The following CLASP2 variants were observed in gnomAD, a reference collection of about 807,000 sequenced individuals.
CLASP2 encodes CLIP-associating protein 2.
Under a neutral mutation model 194.4 loss-of-function variants are expected in CLASP2, and 47 were observed. The ratio of observed to expected loss-of-function variants is 0.24; its 90% CI spans 0.19 to 0.31. The LOEUF is 0.31. Among genes scored for constraint, CLASP2 ranks in the 10% least tolerant of loss-of-function variants. The pLI is 1.00. For missense variants in CLASP2, 1,445 were observed against 1,823.6 expected (o/e 0.79, Z 3.78); for synonymous variants, 619 against 633.5 (o/e 0.98, Z 0.34).
intron 7 of CLASP2, among the ~76,000 whole-genome samples, chr3:33,652,669 G>C (rs1434036841): frequency 6.6e-6 from 1 of 152,076 alleles, no homozygotes; most frequent in East Asian, 1.9e-4. Context: ...GACCATCTCT[G>C]AGTTCCAGAC....
At chr3:33,548,054 G>C (rs887428260) in intron 30 of CLASP2, among the ~76,000 whole-genome samples, 3 of 151,892 alleles carry the variant, frequency 2.0e-5, no homozygotes, top group African/African-American at 7.2e-5. Flanking sequence ...GGGATTACAG[G>C]TGTGAGCCAC....
At chr3:33,644,150 T>C (rs996782043) in intron 8 of CLASP2, among the ~76,000 whole-genome samples, 1 of 152,084 alleles carries the variant, frequency 6.6e-6, no homozygotes, top group Non-Finnish European at 1.5e-5. Flanking sequence ...ATAAACAATA[T>C]GCTAGAAACA....
intron 32 of CLASP2, among the ~76,000 whole-genome samples, chr3:33,541,394 G>C (rs866072286): frequency 2.0e-5 from 3 of 152,124 alleles, no homozygotes; most frequent in Non-Finnish European, 4.4e-5. Context: ...GCAAACGTGT[G>C]TCATGGGGGT....
intron 13 of CLASP2, among the ~76,000 whole-genome samples, chr3:33,609,086 C>T (rs1374047157): frequency 6.6e-6 from 1 of 152,020 alleles, no homozygotes; most frequent in Admixed American, 6.6e-5. Flanking sequence ...TCGAGACCAG[C>T]CTGGCCAACA....
chr3:33,595,227 A>T (rs2069937039), intron 19 of CLASP2, among the ~76,000 whole-genome samples: 1 of 152,102 alleles, frequency 6.6e-6, no homozygotes, highest in Non-Finnish European at 1.5e-5. Context: ...TGTCTGCTAT[A>T]TTGCATTCTT....
At chr3:33,613,704 G>C (rs2075616323) in intron 12 of CLASP2, among the ~76,000 whole-genome samples, 1 of 152,148 alleles carries the variant, frequency 6.6e-6, no homozygotes, top group Non-Finnish European at 1.5e-5. Context: ...CTGTGGACCT[G>C]CTCCCTACAG....
At chr3:33,593,850 T>G (rs951426515) in intron 20 of CLASP2, among the ~76,000 whole-genome samples, 5 of 152,200 alleles carry the variant, frequency 3.3e-5, no homozygotes, top group African/African-American at 1.2e-4. Flanking sequence ...TTTTTATTTT[T>G]ATTTATTTCT....
intron 32 of CLASP2, among the ~76,000 whole-genome samples, chr3:33,541,263 T>A (rs1414922747): frequency 6.6e-6 from 1 of 152,126 alleles, no homozygotes; most frequent in Admixed American, 6.5e-5. Flanking sequence ...AGTGATAGAC[T>A]GGATAAAGAA....
chr3:33,701,651 A>G (rs999738239), intron 1 of CLASP2, among the ~76,000 whole-genome samples: 1 of 152,220 alleles, frequency 6.6e-6, no homozygotes, highest in African/African-American at 2.4e-5. Context: ...CCAAAAATAG[A>G]CATACACATA....
chr3:33,509,323 TCTC>T (rs2049121448), intron 37 of CLASP2, among the ~76,000 whole-genome samples: 1 of 152,192 alleles, frequency 6.6e-6, no homozygotes, highest in Non-Finnish European at 1.5e-5. Context: ...TTCAAGCAAT[TCTC>T]CTGCCTCAGC....
intron 9 of CLASP2, among the ~76,000 whole-genome samples, chr3:33,627,422 C>G (rs1306000425): frequency 6.6e-6 from 1 of 152,078 alleles, no homozygotes; most frequent in Non-Finnish European, 1.5e-5. Context: ...TTATTGCATT[C>G]ATATACATAT....
At chr3:33,530,346 T>C (rs1457251773) in intron 34 of CLASP2, among the ~76,000 whole-genome samples, 2 of 152,000 alleles carry the variant, frequency 1.3e-5, no homozygotes, top group Non-Finnish European at 2.9e-5. Flanking sequence ...GGCGTGTACC[T>C]GTTGTCCCAG....
chr3:33,655,147 C>G (rs1293966618), intron 7 of CLASP2, among the ~76,000 whole-genome samples: 1 of 152,122 alleles, frequency 6.6e-6, no homozygotes, highest in Non-Finnish European at 1.5e-5. Context: ...ATTTTCAAGA[C>G]AGTTTAGCCT....
chr3:33,560,742 TA>T, intron 28 of CLASP2, 65 bp downstream of exon 28: 1 of 1,406,630 alleles, frequency 7.1e-7, no homozygotes, highest in Non-Finnish European at 9.9e-7. Flanking sequence ...TCTGAACTAT[TA>T]ACACAGGGGT....
At chr3:33,566,922 T>A (rs909546339) in intron 26 of CLASP2, among the ~76,000 whole-genome samples, 188 bp from the exon 27 acceptor site, 4 of 152,232 alleles carry the variant, frequency 2.6e-5, no homozygotes, top group African/African-American at 9.6e-5. Flanking sequence ...AAGACTTAAA[T>A]GAATAGTATG....
At chr3:33,639,000 C>A (rs1048632530) in intron 8 of CLASP2, among the ~76,000 whole-genome samples, 5 of 152,128 alleles carry the variant, frequency 3.3e-5, no homozygotes, top group Admixed American at 3.3e-4. Context: ...CACTAGTTGG[C>A]AGAATAATGG....
chr3:33,653,940 G>A (rs1377203450), intron 7 of CLASP2, among the ~76,000 whole-genome samples: 1 of 151,708 alleles, frequency 6.6e-6, no homozygotes, highest in African/African-American at 2.4e-5. Context: ...AATAAGACGA[G>A]GGTGGAATAC....
intron 13 of CLASP2, among the ~76,000 whole-genome samples, chr3:33,609,275 G>A (rs552942072): frequency 1.3e-5 from 2 of 152,074 alleles, no homozygotes; most frequent in East Asian, 1.9e-4. Flanking sequence ...GTGAGAACCT[G>A]TCTCAAAAAT....
chr3:33,706,120 C>T (rs983742140), intron 1 of CLASP2, among the ~76,000 whole-genome samples: 1 of 151,912 alleles, frequency 6.6e-6, no homozygotes. Context: ...TGGTGTCATG[C>T]GCCTGTGGTC....
Sources: allele counts gnomAD v4.1 joint callset (sites outside exome capture counted in the v4.1 genomes callset), GRCh38; gene constraint gnomAD v4.1.1; transcripts MANE v1.5; gene names NCBI Gene and HGNC (gene_info 2026-07-23, HGNC 2026-07-21).